Variants in AK5 observed in about 807,000 individuals in gnomAD.
AK5 encodes adenylate kinase 5.
A neutral mutation model predicts 69.5 loss-of-function variants in AK5; 27 were observed. That is an observed-to-expected ratio of 0.39 (90% confidence interval 0.29 to 0.54). The LOEUF is 0.54. AK5 is among the 20% of genes least tolerant of loss of function. The pLI is 0.71. For missense variants in AK5, 531 were observed against 700.4 expected (o/e 0.76, Z 2.73); for synonymous variants, 260 against 244.4 (o/e 1.06, Z -0.60).
intron 6 of AK5, among the ~76,000 whole-genome samples, chr1:77,356,989 T>C (rs1199782839): frequency 6.6e-6 from 1 of 152,176 alleles, no homozygotes; most frequent in Non-Finnish European, 1.5e-5. Flanking sequence ...CTTGTGTTGA[T>C]TTTTTCTCTC....
chr1:77,518,638 G>A lies in AK5; in HGVS notation c.1222G>A (p.Gly408Ser). The A allele has an allele frequency of 1.2e-6, 2 of 1,614,152 alleles. No homozygotes were observed. The highest frequency in any genetic ancestry group is 1.7e-6 in the Non-Finnish European group (2 of 1,180,022). ...EKYGFTHLST[G>S]ELLREELASE... The stretch of plus-strand genomic sequence containing the variant: ...ATATGGATTTACACATCTCTCAACT[G>A]GCGAGCTCCTGCGTGAGGAACTGGC... Residue 408 changes from glycine (G) to serine (S), a missense_variant, in exon 11 of 14, where the codon GGC becomes AGC. Transcript: ENST00000354567.
At chr1:77,289,536 G>T (rs7519901) in intron 2 of AK5, among the ~76,000 whole-genome samples, 2,771 of 152,170 alleles carry the variant, frequency 0.018, 85 homozygotes, top group African/African-American at 0.062. Flanking sequence ...AATCTAAGAA[G>T]TTATGACATC....
At position 77,536,042 on chromosome 1, in the gene AK5, A is replaced by G; in HGVS notation, c.1620+4A>G. The G allele has an allele frequency of 6.2e-7, 1 of 1,604,024 alleles. No homozygotes were observed. The highest frequency in any genetic ancestry group is 1.1e-5 in the South Asian group (1 of 90,560). On this transcript the variant is annotated splice_donor_region_variant and intron_variant, in intron 13 of 13. Coordinates refer to ENST00000354567, the MANE Select transcript of AK5 (RefSeq NM_174858.3). ...GACAAAAACACAGCTACACAAGGCG[A>G]GTCACTTCACTTTCTCCTCTGAAAT...
intron 12 of AK5, among the ~76,000 whole-genome samples, chr1:77,535,599 T>C (rs1001884039): frequency 2.0e-5 from 3 of 152,104 alleles, no homozygotes; most frequent in African/African-American, 7.2e-5. Flanking sequence ...GGGTGGCATA[T>C]ACTCGTCTGC....
At chr1:77,425,697 T>G (rs1651159704) in intron 8 of AK5, among the ~76,000 whole-genome samples, 2 of 152,200 alleles carry the variant, frequency 1.3e-5, no homozygotes, top group Admixed American at 6.5e-5. Context: ...GAAATTTTTC[T>G]TATTCTTAAT....
Position 77,283,121 on chromosome 1 carries a change from G to C in AK5, c.60+748G>C, listed in dbSNP as rs556238651. ...ACCGCAGCACAGCATCATCTGCACC[G>C]GGACCCGGGAATGGGGGGACACTTG... On this transcript the variant is annotated intron_variant, in intron 1 of 13. Transcript: ENST00000354567. 5.1e-6 allele frequency: 5 copies of C among 985,668 alleles called. No individual in the cohort carries two copies. The African/African-American group carries it at 8.7e-5, about 17-fold the overall frequency. The allele number at this position is 985,668 out of a possible 1,614,324, so 61.1% of individuals were successfully genotyped here.
At chr1:77,306,493 TG>T (rs1314110789) in intron 5 of AK5, among the ~76,000 whole-genome samples, 166 of 98,170 alleles carry the variant, frequency 1.7e-3, no homozygotes, top group Non-Finnish European at 2.5e-3. Context: ...GGTTTTTTTT[TG>T]TTTTTTTTTT....
chr1:77,382,496 A>T (rs553862504), intron 6 of AK5, among the ~76,000 whole-genome samples: 1 of 152,256 alleles, frequency 6.6e-6, no homozygotes, highest in South Asian at 2.1e-4. Flanking sequence ...GAATACAGGC[A>T]CGCACCATCA....
chr1:77,494,850 G>A (rs1048175330), intron 10 of AK5, among the ~76,000 whole-genome samples: 4 of 150,238 alleles, frequency 2.7e-5, no homozygotes, highest in Middle Eastern at 3.2e-3. Context: ...GGCTCTATCT[G>A]AACTCACTAC....
At chr1:77,495,311 A>G (rs775385334) in intron 10 of AK5, among the ~76,000 whole-genome samples, 3 of 152,354 alleles carry the variant, frequency 2.0e-5, no homozygotes, top group Non-Finnish European at 4.4e-5. Flanking sequence ...ATGTAGGTGA[A>G]GTTGTGGGAA....
chr1:77,286,095 A>G (rs1395958865), intron 1 of AK5, among the ~76,000 whole-genome samples: 1 of 152,208 alleles, frequency 6.6e-6, no homozygotes, highest in Non-Finnish European at 1.5e-5. Flanking sequence ...TTCAGAGAAG[A>G]CTTCCTGATA....
intron 1 of AK5, chr1:77,283,449 G>A (rs1239139119): frequency 5.1e-6 from 5 of 985,194 alleles, no homozygotes; most frequent in Non-Finnish European, 6.0e-6. Flanking sequence ...CCGGTTTGGG[G>A]GATTTGTTCT....
chr1:77,352,982 T>G (rs1662291541), intron 6 of AK5, among the ~76,000 whole-genome samples: 1 of 152,234 alleles, frequency 6.6e-6, no homozygotes, highest in Non-Finnish European at 1.5e-5. Context: ...TGAGACCTAA[T>G]TGGCTTTATC....
chr1:77,518,661 G>A lies in AK5; in HGVS notation c.1245G>A (p.Leu415=), dbSNP rs200866780. 2.4e-4 allele frequency: 382 copies of A among 1,614,048 alleles called. No individual in the cohort carries two copies. The highest frequency in any genetic ancestry group is 3.2e-4 in the Non-Finnish European group (376 of 1,180,026). ...LSTGELLREE[L]ASESERSKLI... is the part of the protein sequence containing the mutation. The stretch of plus-strand genomic sequence containing the variant: ...CTGGCGAGCTCCTGCGTGAGGAACT[G>A]GCATCAGAATCTGAAAGAAGCAAAT... The change falls in exon 11 of 14, where the codon CTG becomes CTA. Residue 415 remains leucine (L), a synonymous_variant. Transcript: ENST00000354567.
chr1:77,495,865 C>T (rs1206080905), intron 10 of AK5, among the ~76,000 whole-genome samples: 1 of 152,122 alleles, frequency 6.6e-6, no homozygotes, highest in Non-Finnish European at 1.5e-5. Flanking sequence ...TTAAACTCCC[C>T]ACATGATAAA....
intron 13 of AK5, among the ~76,000 whole-genome samples, chr1:77,544,365 CAAT>C (rs1402965224): frequency 1.3e-5 from 2 of 152,118 alleles, no homozygotes; most frequent in African/African-American, 2.4e-5. Context: ...TTTCTTTCTT[CAAT>C]AATAACTTTG....
intron 2 of AK5, among the ~76,000 whole-genome samples, chr1:77,290,007 TG>T (rs1447148112): frequency 6.6e-6 from 1 of 151,984 alleles, no homozygotes; most frequent in Non-Finnish European, 1.5e-5. Flanking sequence ...AAAACAAGAA[TG>T]GAAAATGTAG....
chr1:77,292,106 A>G (rs1034244355), intron 2 of AK5, among the ~76,000 whole-genome samples: 1 of 152,178 alleles, frequency 6.6e-6, no homozygotes, highest in African/African-American at 2.4e-5. Flanking sequence ...GATAGTAGAG[A>G]TGGAGAGAAG....
intron 5 of AK5, among the ~76,000 whole-genome samples, chr1:77,319,121 C>A (rs1570370513): frequency 6.6e-6 from 1 of 152,124 alleles, no homozygotes; most frequent in African/African-American, 2.4e-5. Flanking sequence ...TAGAAAAAGA[C>A]AGATGTATGA....
Sources: allele counts gnomAD v4.1 joint callset (sites outside exome capture counted in the v4.1 genomes callset), GRCh38; gene constraint gnomAD v4.1.1; transcripts MANE v1.5; gene names NCBI Gene and HGNC (gene_info 2026-07-23, HGNC 2026-07-21).